Variants in SYTL3 observed in about 807,000 individuals in gnomAD.
SYTL3 encodes synaptotagmin like 3.
A neutral mutation model predicts 82.1 loss-of-function variants in SYTL3; 88 were observed. The observed-to-expected ratio is 1.07, with a 90% confidence interval of 0.90 to 1.28. The LOEUF is 1.28. Among genes scored for constraint, SYTL3 ranks in the 50% most tolerant of loss-of-function variants. The pLI, the probability that SYTL3 is intolerant of heterozygous loss-of-function variation, is 0.00. For missense variants in SYTL3, 831 were observed against 757.6 expected (o/e 1.10, Z -1.14); for synonymous variants, 311 against 289.4 (o/e 1.07, Z -0.76).
intron 11 of SYTL3, among the ~76,000 whole-genome samples, chr6:158,728,091 T>G (rs1274053195): frequency 3.9e-5 from 6 of 152,044 alleles, no homozygotes; most frequent in Non-Finnish European, 8.8e-5. Context: ...GATTTTGTGT[T>G]TTTATAATTT....
In SYTL3 at chr6:158,760,854, T is replaced by G. The variant is rs375369848; in HGVS notation, c.1414+109T>G. ...AGTTTTCTAGCATTTCCTTTCTACGTCCCCGTGCCCAGCTCCAGCAGCTCT... is the reference window on the plus strand; with the variant it reads ...AGTTTTCTAGCATTTCCTTTCTACGGCCCCGTGCCCAGCTCCAGCAGCTCT... On this transcript the variant is annotated intron_variant, in intron 15 of 17. Coordinates refer to ENST00000611299, the MANE Select transcript of SYTL3 (RefSeq NM_001242394.2). The G allele has an allele frequency of 7.1e-5, 57 of 797,870 alleles. No individual in the cohort carries two copies. In the African/African-American group the frequency reaches 8.7e-4, roughly 12 times the overall value. 49.4% of individuals were successfully genotyped at this position (797,870 alleles called of 1,614,324 possible). A position where few individuals can be genotyped will look rare whatever the true frequency, so the allele number is the denominator to read the frequency against.
chr6:158,661,601 A>G (rs896178979), intron 3 of SYTL3, among the ~76,000 whole-genome samples: 2 of 152,216 alleles, frequency 1.3e-5, no homozygotes, highest in Non-Finnish European at 2.9e-5. Context: ...CAAATATTGA[A>G]TTCCTGAACT....
In SYTL3 at chr6:158,699,993, C is replaced by T. The variant is rs541285807; in HGVS notation, c.395-7237C>T. Among the ~76,000 whole-genome samples the T allele has an allele frequency of 4.6e-5, 7 of 150,548 alleles. No individual in the cohort carries two copies. The East Asian group carries it at 1.0e-3, about 22-fold the overall frequency. Reference sequence around the variant, plus strand: ...TAAATAGGCTGGATGCAGTGGCTCACGCCTGCAATCCCAGCACTTTGGGAG... The same window carrying T: ...TAAATAGGCTGGATGCAGTGGCTCATGCCTGCAATCCCAGCACTTTGGGAG... On this transcript the variant is annotated intron_variant, in intron 6 of 17. Transcript: ENST00000611299.
chr6:158,646,508 A>G (rs997385591), upstream of SYTL3, among the ~76,000 whole-genome samples: 1 of 152,162 alleles, frequency 6.6e-6, no homozygotes, highest in African/African-American at 2.4e-5. Flanking sequence ...CATGGGTGTT[A>G]GCTTTGCCTC....
intron 9 of SYTL3, among the ~76,000 whole-genome samples, chr6:158,715,627 A>G (rs1783298901): frequency 8.2e-6 from 1 of 122,508 alleles, no homozygotes; most frequent in African/African-American, 3.9e-5. Context: ...GCACGCACCC[A>G]GCACCCCCCA....
At chr6:158,736,091 G>A (rs1462130024) in intron 11 of SYTL3, among the ~76,000 whole-genome samples, 1 of 152,220 alleles carries the variant, frequency 6.6e-6, no homozygotes, top group African/African-American at 2.4e-5. Flanking sequence ...GGTGTCTCAC[G>A]CCTGTGATCC....
intron 4 of SYTL3, among the ~76,000 whole-genome samples, chr6:158,663,966 A>G (rs1038434818): frequency 6.6e-6 from 1 of 152,070 alleles, no homozygotes; most frequent in African/African-American, 2.4e-5. Flanking sequence ...TCTAAGCTGC[A>G]CGGGCCGTTT....
At chr6:158,750,344 T>C (rs1348420444) in intron 12 of SYTL3, among the ~76,000 whole-genome samples, 3 of 152,202 alleles carry the variant, frequency 2.0e-5, no homozygotes, top group African/African-American at 7.2e-5. Flanking sequence ...TTCTGTTTCC[T>C]AAGCTGGGGG....
Position 158,764,502 on chromosome 6 carries a change from C to T in SYTL3, c.1731C>T (p.Asp577=). ...LGGTRLGSKG[D]TAVGGDACSL... is the part of the protein sequence containing the mutation. ...TGTCTTCCTCTCTTACAGAGGGAGA[C>T]ACAGCTGTTGGCGGGGATGCATGCT... The change falls in exon 18 of 18, where the codon GAC becomes GAT. Residue 577 remains aspartate (D), a synonymous_variant. Transcript: ENST00000611299. 2 of 1,613,238 alleles carry T rather than the reference C, an allele frequency of 1.2e-6. No individual in the cohort carries two copies. Among genetic ancestry groups the T allele is most frequent in the South Asian group, 1.1e-5 (1 of 91,060 alleles).
At chr6:158,750,355 G>A (rs921302467) in intron 12 of SYTL3, among the ~76,000 whole-genome samples, 10 of 152,308 alleles carry the variant, frequency 6.6e-5, no homozygotes, top group African/African-American at 2.4e-4. Flanking sequence ...AAGCTGGGGG[G>A]CAGGGGTACA....
chr6:158,653,100 C>T (rs982700971), intron 2 of SYTL3, among the ~76,000 whole-genome samples: 1 of 152,236 alleles, frequency 6.6e-6, no homozygotes, highest in Non-Finnish European at 1.5e-5. Context: ...TGCATGCGTG[C>T]TGTCTCATTG....
At chr6:158,660,771 TA>T (rs1789291393) in intron 2 of SYTL3, among the ~76,000 whole-genome samples, 1 of 152,092 alleles carries the variant, frequency 6.6e-6, no homozygotes, top group Non-Finnish European at 1.5e-5. Context: ...AACTCTTCAC[TA>T]AAAACACTCG....
At position 158,764,598 on chromosome 6, in the gene SYTL3, G is replaced by A. The variant is rs752878797; in HGVS notation, c.1827G>A (p.Leu609=). 15 of 1,611,478 alleles carry A rather than the reference G, an allele frequency of 9.3e-6. No individual in the cohort carries two copies. Among genetic ancestry groups the A allele is most frequent in the Middle Eastern group, 1.7e-4 (1 of 6,054 alleles). ...TATGGACAGACATGACTCTTGTCCTGCACTGACATGAAGGCCTCAAGGTTC... is the reference window on the plus strand; with the variant it reads ...TATGGACAGACATGACTCTTGTCCTACACTGACATGAAGGCCTCAAGGTTC... ...PNLWTDMTLV[L]H Residue 609 remains leucine (L), a synonymous_variant, in exon 18 of 18, where the codon CTG becomes CTA. Coordinates refer to ENST00000611299, the MANE Select transcript of SYTL3 (RefSeq NM_001242394.2).
At chr6:158,679,359 G>T (rs1211295363) in intron 5 of SYTL3, among the ~76,000 whole-genome samples, 1 of 151,398 alleles carries the variant, frequency 6.6e-6, no homozygotes, top group African/African-American at 2.4e-5. Context: ...GATAGAATGA[G>T]ACCCTGTCTC....
At chr6:158,686,969 T>C (rs909347714) in intron 6 of SYTL3, among the ~76,000 whole-genome samples, 3 of 152,178 alleles carry the variant, frequency 2.0e-5, no homozygotes, top group African/African-American at 7.2e-5. Context: ...AAAAGTGGTT[T>C]TGCATGTTCT....
chr6:158,702,847 C>A (rs887189678), intron 6 of SYTL3, among the ~76,000 whole-genome samples: 2 of 151,864 alleles, frequency 1.3e-5, no homozygotes, highest in African/African-American at 2.4e-5. Context: ...TATCCCTGAG[C>A]CTCGCTTTTC....
chr6:158,691,489 TCTC>T (rs1451265891), intron 6 of SYTL3, among the ~76,000 whole-genome samples: 1 of 152,136 alleles, frequency 6.6e-6, no homozygotes, highest in African/African-American at 2.4e-5. Flanking sequence ...AAAATTCATC[TCTC>T]CTCTTTTGGC....
intron 12 of SYTL3, among the ~76,000 whole-genome samples, chr6:158,746,822 T>TAAA (rs11460658): frequency 6.9e-6 from 1 of 145,922 alleles, no homozygotes; most frequent in Non-Finnish European, 1.5e-5. Flanking sequence ...CAACTTGTTT[T>TAAA]AAAAAAAAAA....
chr6:158,707,960 G>A (rs190570531), intron 7 of SYTL3, among the ~76,000 whole-genome samples: 31 of 152,150 alleles, frequency 2.0e-4, no homozygotes, highest in Middle Eastern at 3.4e-3. Flanking sequence ...CATTTTTGGC[G>A]CTTCTGCTGG....
Sources: gnomAD v4.1 joint callset for allele counts (sites outside exome capture counted in the v4.1 genomes callset) on GRCh38, gnomAD v4.1.1 for gene constraint, MANE v1.5 for transcripts, NCBI Gene and HGNC (gene_info 2026-07-23, HGNC 2026-07-21) for gene names.